TUBGCP3: variants seen among roughly 807,000 people sequenced by gnomAD.
TUBGCP3 encodes the protein tubulin gamma complex component 3.
Under a neutral mutation model 123.1 loss-of-function variants are expected in TUBGCP3, and 50 were observed. The observed-to-expected ratio is 0.41, with a 90% CI of 0.32 to 0.51. The LOEUF (loss-of-function observed/expected upper bound fraction) is 0.51, where lower values mean the gene tolerates loss of function less well. Among genes scored for constraint, TUBGCP3 ranks in the 20% least tolerant of loss-of-function variants. The probability of loss-of-function intolerance (pLI) is 0.36; values close to 1 mark genes in which losing one functional copy is unlikely to be tolerated. For missense variants in TUBGCP3, 882 were observed against 1,127.0 expected, an observed-to-expected ratio of 0.78 and a Z score of 3.11; for synonymous variants, 405 against 413.9, an observed-to-expected ratio of 0.98 and a Z score of 0.26.
intron 1 of TUBGCP3, among the ~76,000 whole-genome samples, chr13:112,576,284 G>A (rs955274123): frequency 5.3e-5 from 8 of 152,072 alleles, no homozygotes; most frequent in Admixed American, 3.3e-4. Flanking sequence ...GAAATCTCTC[G>A]GGGAAAAGCC....
At chr13:112,552,353 G>C (rs180944239) in intron 8 of TUBGCP3, among the ~76,000 whole-genome samples, 1 of 152,216 alleles carries the variant, frequency 6.6e-6, no homozygotes, top group Non-Finnish European at 1.5e-5. Flanking sequence ...CACTCCCTTC[G>C]GGAAAAGGGA....
At chr13:112,556,616 C>G (rs1051554198) in intron 5 of TUBGCP3, among the ~76,000 whole-genome samples, 1 of 152,230 alleles carries the variant, frequency 6.6e-6, no homozygotes, top group African/African-American at 2.4e-5. Context: ...CCACAACTCT[C>G]GTTCACTCCC....
intron 17 of TUBGCP3, among the ~76,000 whole-genome samples, chr13:112,515,156 TAA>T (rs758802837): frequency 2.0e-5 from 3 of 152,310 alleles, no homozygotes; most frequent in East Asian, 1.9e-4. Context: ...TTCAATACAA[TAA>T]GAGAAGAGCA....
chr13:112,506,554 G>A lies in TUBGCP3; in HGVS notation c.2087-1840C>T, dbSNP rs539725294. Among the ~76,000 whole-genome samples the A allele has an allele frequency of 2.0e-5, 3 of 152,288 alleles. No individual in the cohort carries two copies. The South Asian group carries it at 6.2e-4, about 32-fold the overall frequency. On this transcript the variant is annotated intron_variant, in intron 17 of 21. Coordinates refer to ENST00000261965, the MANE Select transcript of TUBGCP3 (RefSeq NM_006322.6). Reference sequence around the variant, plus strand: ...GACCTGTGACATCTGCCGAGCATCTGTCTCATGGGGCTCCTGTAGCACAGC... The same window carrying A: ...GACCTGTGACATCTGCCGAGCATCTATCTCATGGGGCTCCTGTAGCACAGC...
the TUBGCP3 span, among the ~76,000 whole-genome samples, chr13:112,601,017 G>A: frequency 5.9e-5 from 9 of 151,850 alleles, no homozygotes; most frequent in Non-Finnish European, 1.0e-4. Flanking sequence ...GCGAAACCCC[G>A]TCTCTACTCA....
Position 112,542,645 on chromosome 13 carries a change from C to A in TUBGCP3, c.1335+3054G>T, listed in dbSNP as rs190730646. ...CATGTATATGTATTTTAACATTGAA[C>A]ATTATATAAAATTTAAACTAAGAAT... is the stretch of plus-strand genomic sequence containing the variant. On this transcript the variant is annotated intron_variant, in intron 11 of 21. Coordinates refer to ENST00000261965, the MANE Select transcript of TUBGCP3 (RefSeq NM_006322.6). Among the ~76,000 whole-genome samples, 58 of 152,094 alleles carry A rather than the reference C, an allele frequency of 3.8e-4. 1 individual carries two copies. The highest frequency in any genetic ancestry group is 3.4e-3 in the Middle Eastern group (1 of 294).
intron 6 of TUBGCP3, 122 bp downstream of exon 6, chr13:112,555,930 T>A: frequency 1.7e-6 from 2 of 1,168,870 alleles, no homozygotes; most frequent in Non-Finnish European, 2.3e-6. Context: ...GACTTCATCA[T>A]AAGAACAAGA....
At chr13:112,532,655 GTA>G (rs536996599) in intron 11 of TUBGCP3, among the ~76,000 whole-genome samples, 468 of 152,328 alleles carry the variant, frequency 3.1e-3, no homozygotes, top group Middle Eastern at 0.01. Context: ...TCTCTAGATA[GTA>G]GTAACACAAT....
At chr13:112,509,078 T>C (rs2139021061) in intron 17 of TUBGCP3, among the ~76,000 whole-genome samples, 1 of 152,118 alleles carries the variant, frequency 6.6e-6, no homozygotes, top group South Asian at 2.1e-4. Context: ...TGCAGCACAG[T>C]CCCCCTCCAC....
rs568690783 is a variant in TUBGCP3, at chr13:112,558,457, A to G, written c.331-44T>C. ...TAAGAGCAGAGACAGGAAATTACAG[A>G]ACAGTCTTCCCAAACCTAAAAAGGT... is the stretch of plus-strand genomic sequence containing the variant. On this transcript the variant is annotated intron_variant, in intron 4 of 21. Coordinates refer to ENST00000261965, the MANE Select transcript of TUBGCP3 (RefSeq NM_006322.6). 1.4e-4 allele frequency: 202 copies of G among 1,463,664 alleles called. 1 individual carries two copies. In the Middle Eastern group the frequency reaches 1.7e-3, roughly 12 times the overall value. 90.7% of individuals were successfully genotyped at this position (1,463,664 alleles called of 1,614,324 possible).
Position 112,569,246 on chromosome 13 carries a change from C to T in TUBGCP3, c.90G>A (p.Gln30=). ...ILGRSEADVA[Q]QFQYAVRVIG... is the part of the protein sequence containing the mutation. ...TCACCCGCACAGCATACTGGAACTG[C>T]TGGGCTACATCAGCTGAAAGACAAA... The change falls in exon 2 of 22, where the codon CAG becomes CAA. Residue 30 remains glutamine (Q), a synonymous_variant. Transcript: ENST00000261965. The T allele has an allele frequency of 6.2e-7, 1 of 1,614,078 alleles. No individual in the cohort carries two copies. Among genetic ancestry groups the T allele is most frequent in the Non-Finnish European group, 8.5e-7 (1 of 1,180,008 alleles).
intron 20 of TUBGCP3, among the ~76,000 whole-genome samples, chr13:112,498,273 GA>G (rs1258984453): frequency 1.3e-5 from 2 of 152,152 alleles, no homozygotes; most frequent in African/African-American, 2.4e-5. Flanking sequence ...CTTGGGACCA[GA>G]AGTATTTTGA....
chr13:112,552,169 TATG>T (rs1015021335), intron 8 of TUBGCP3, among the ~76,000 whole-genome samples: 2 of 152,182 alleles, frequency 1.3e-5, no homozygotes, highest in African/African-American at 4.8e-5. Flanking sequence ...TAAAACATAA[TATG>T]ATACTACTAT....
chr13:112,583,782 T>C (rs1226543876), intron 1 of TUBGCP3, among the ~76,000 whole-genome samples: 3 of 152,208 alleles, frequency 2.0e-5, no homozygotes, highest in African/African-American at 4.8e-5. Flanking sequence ...CTTCTGCTTT[T>C]CTGAAGGATG....
rs191972595 is a variant in TUBGCP3, at chr13:112,579,741, G to A, written c.76+8164C>T. 1.4e-3 allele frequency among the ~76,000 whole-genome samples: 220 copies of A among 152,304 alleles called. 1 individual carries two copies. Among genetic ancestry groups the A allele is most frequent in the Non-Finnish European group, 2.3e-3 (158 of 68,038 alleles). On this transcript the variant is annotated intron_variant, in intron 1 of 21. Transcript: ENST00000261965. ...AGCTCTCCCACACTGCTGGTGCAGC[G>A]GCAAAGCAGCCACAGCCATACTGGA...
chr13:112,505,154 G>A (rs1441063176), intron 17 of TUBGCP3, among the ~76,000 whole-genome samples: 4 of 152,104 alleles, frequency 2.6e-5, no homozygotes, highest in Admixed American at 6.5e-5. Flanking sequence ...TGGCCTTACC[G>A]CCTGTGAGAA....
chr13:112,544,217 G>C (rs1594172189), intron 11 of TUBGCP3, among the ~76,000 whole-genome samples: 1 of 152,068 alleles, frequency 6.6e-6, no homozygotes, highest in East Asian at 1.9e-4. Context: ...ACTTTGGGAG[G>C]CCAAGGCGGG....
chr13:112,502,476 C>T (rs887007150), intron 19 of TUBGCP3, among the ~76,000 whole-genome samples: 5 of 151,846 alleles, frequency 3.3e-5, no homozygotes, highest in African/African-American at 4.8e-5. Context: ...GGTTTTACTC[C>T]GATAACAAGA....
chr13:112,588,132 T>A lies in TUBGCP3; in HGVS notation c.-152A>T. On this transcript the variant is annotated 5_prime_UTR_variant, in exon 1 of 22. Coordinates refer to ENST00000261965, the MANE Select transcript of TUBGCP3 (RefSeq NM_006322.6). ...GCCGCCGGCCACCAGGGCGCCATTT[T>A]AACGGAACCCGCCGAAAGCGCGGGC... is the stretch of plus-strand genomic sequence containing the variant. 3.5e-6 allele frequency: 2 copies of A among 565,458 alleles called. No homozygotes were observed. The highest frequency in any genetic ancestry group is 4.2e-5 in the South Asian group (1 of 23,620). 35.0% of individuals were successfully genotyped at this position (565,458 alleles called of 1,614,324 possible). A position where few individuals can be genotyped will look rare whatever the true frequency, so the allele number is the denominator to read the frequency against.
Sources: gnomAD v4.1 joint callset for allele counts (sites outside exome capture counted in the v4.1 genomes callset) on GRCh38, gnomAD v4.1.1 for gene constraint, MANE v1.5 for transcripts, NCBI Gene and HGNC (gene_info 2026-07-23, HGNC 2026-07-21) for gene names.